Variants in SIPA1L3 observed in about 807,000 individuals in gnomAD.
SIPA1L3 encodes signal-induced proliferation-associated 1-like protein 3.
In SIPA1L3, 59 loss-of-function variants were observed where a neutral mutation model predicts 150.1. The observed-to-expected ratio is 0.39, with a 90% CI of 0.32 to 0.49. The LOEUF (loss-of-function observed/expected upper bound fraction) is 0.49. Among genes scored for constraint, SIPA1L3 ranks in the 20% least tolerant of loss-of-function variants. SIPA1L3 has a pLI of 0.86. For missense variants in SIPA1L3, 2,211 were observed against 2,489.5 expected (o/e 0.89, Z 2.38); for synonymous variants, 1,070 against 1,077.6 (o/e 0.99, Z 0.14).
intron 2 of SIPA1L3, among the ~76,000 whole-genome samples, chr19:38,030,623 A>ATATATATATATAT (rs1968627601): frequency 2.3e-5 from 1 of 42,630 alleles, no homozygotes; most frequent in Non-Finnish European, 5.7e-5. Context: ...ATATGTGGCA[A>ATATATATATATAT]ATATATATAT....
At chr19:38,088,060 T>C (rs1320890585) in intron 3 of SIPA1L3, among the ~76,000 whole-genome samples, 2 of 152,010 alleles carry the variant, frequency 1.3e-5, no homozygotes, top group Non-Finnish European at 2.9e-5. Flanking sequence ...TAAAGAAACA[T>C]GGTGAGATAA....
At chr19:38,200,299 G>A (rs1973056881) in intron 19 of SIPA1L3, 1 of 152,176 alleles carries the variant, frequency 6.6e-6, no homozygotes, top group Non-Finnish European at 1.5e-5. Context: ...AGGATCGCTG[G>A]AGCCCAGTAG....
chr19:38,196,555 G>GGAGCGTGGAGGTCAAGGGCA (rs1382102672), intron 18 of SIPA1L3, among the ~76,000 whole-genome samples: 1 of 147,754 alleles, frequency 6.8e-6, no homozygotes, highest in African/African-American at 2.5e-5. Flanking sequence ...GGTCAAGGGC[G>GGAGCGTGGAGGTCAAGGGCA]GAGCGTGGAG....
At chr19:38,187,223 G>A (rs1321105366) in intron 16 of SIPA1L3, among the ~76,000 whole-genome samples, 1 of 151,568 alleles carries the variant, frequency 6.6e-6, no homozygotes, top group Non-Finnish European at 1.5e-5. Context: ...AGTCCAGGAT[G>A]GGTGGATCAC....
intron 15 of SIPA1L3, among the ~76,000 whole-genome samples, chr19:38,180,888 T>TA (rs1972540343): frequency 6.6e-6 from 1 of 152,204 alleles, no homozygotes; most frequent in African/African-American, 2.4e-5. Flanking sequence ...AATCTCTTTG[T>TA]ATTTTTCCTA....
At chr19:37,945,383 A>G (rs563120988) in intron 1 of SIPA1L3, among the ~76,000 whole-genome samples, 5 of 151,956 alleles carry the variant, frequency 3.3e-5, no homozygotes, top group Non-Finnish European at 7.4e-5. Flanking sequence ...ACAGGCGTGT[A>G]CCACCACACC....
chr19:38,080,948 T>A (rs184378618), intron 2 of SIPA1L3, among the ~76,000 whole-genome samples: 46 of 149,148 alleles, frequency 3.1e-4, no homozygotes, highest in African/African-American at 9.9e-4. Context: ...CCAGCCTGGG[T>A]GACAGAGCGA....
intron 1 of SIPA1L3, among the ~76,000 whole-genome samples, chr19:37,970,850 G>A (rs1966915424): frequency 6.6e-6 from 1 of 152,192 alleles, no homozygotes; most frequent in African/African-American, 2.4e-5. Flanking sequence ...TAAATGCGAG[G>A]GCAGTTTATT....
chr19:38,109,830 A>G (rs1970699780), intron 7 of SIPA1L3: 1 of 187,160 alleles, frequency 5.3e-6, no homozygotes. Flanking sequence ...GTGTTAAGTA[A>G]TGGGGACAGA....
chr19:38,039,618 G>A (rs1051543439), intron 2 of SIPA1L3, among the ~76,000 whole-genome samples: 4 of 149,702 alleles, frequency 2.7e-5, no homozygotes, highest in Admixed American at 6.7e-5. Context: ...TGCTTGAACC[G>A]GGGAGGCAGA....
chr19:37,942,992 G>A (rs556190250), intron 1 of SIPA1L3, among the ~76,000 whole-genome samples: 17 of 150,772 alleles, frequency 1.1e-4, no homozygotes, highest in South Asian at 8.4e-4. Flanking sequence ...GATTAGATGC[G>A]TGAGCCACAC....
chr19:37,942,592 CAG>C (rs962158681), intron 1 of SIPA1L3, among the ~76,000 whole-genome samples: 4 of 151,506 alleles, frequency 2.6e-5, no homozygotes, highest in Non-Finnish European at 4.4e-5. Context: ...GGGTTTGATT[CAG>C]AGTGTCCTCC....
chr19:38,057,620 T>C (rs1471315126), intron 2 of SIPA1L3, among the ~76,000 whole-genome samples: 1 of 151,654 alleles, frequency 6.6e-6, no homozygotes, highest in African/African-American at 2.4e-5. Context: ...TTTACAGAAG[T>C]AGCATTCCTG....
intron 1 of SIPA1L3, among the ~76,000 whole-genome samples, chr19:38,021,629 T>G (rs1968374728): frequency 6.6e-6 from 1 of 151,644 alleles, no homozygotes; most frequent in African/African-American, 2.4e-5. Flanking sequence ...ACAGCCTTGA[T>G]CTCCTGGGCT....
intron 6 of SIPA1L3, among the ~76,000 whole-genome samples, chr19:38,103,662 C>T (rs1163161341): frequency 2.7e-5 from 4 of 150,214 alleles, no homozygotes; most frequent in Admixed American, 1.3e-4. Flanking sequence ...CGGTGGTTCA[C>T]GCCTGTAATC....
rs201468978 is a variant in SIPA1L3, at chr19:38,119,350, C to G, written c.2336C>G (p.Pro779Arg). The change falls in exon 9 of 22, where the codon CCC (proline) becomes CGC (arginine). Residue 779 changes from proline to arginine, a missense_variant. Around this residue, in one of 5 missense-constraint regions of SIPA1L3, gnomAD observed 625 missense variants for 804.2 expected, o/e 0.78. Coordinates refer to ENST00000222345, the MANE Select transcript of SIPA1L3 (RefSeq NM_015073.3). ...RSKDAPPFGP[P>R]IPSGTTFRKS... ...AAAGACGCTCCTCCTTTCGGCCCCCCCATCCCCAGTGGAACCACATTCCGC... is the reference window on the plus strand; with the variant it reads ...AAAGACGCTCCTCCTTTCGGCCCCCGCATCCCCAGTGGAACCACATTCCGC... 24 of 1,614,096 alleles carry G rather than the reference C, an allele frequency of 1.5e-5. No individual in the cohort carries two copies. In the African/African-American group the frequency reaches 2.0e-4, roughly 13 times the overall value.
intron 15 of SIPA1L3, among the ~76,000 whole-genome samples, chr19:38,167,773 A>C (rs1011515957): frequency 4.6e-5 from 7 of 152,002 alleles, no homozygotes; most frequent in African/African-American, 1.7e-4. Flanking sequence ...CTGTGTTGCC[A>C]AGGTTGGTCT....
Position 38,201,879 on chromosome 19 carries a change from C to T in SIPA1L3, c.5002C>T (p.Leu1668Phe), listed in dbSNP as rs1460418948. 1 of 1,612,594 alleles carries T rather than the reference C, an allele frequency of 6.2e-7. No homozygotes were observed. Among genetic ancestry groups the T allele is most frequent in the Admixed American group, 1.7e-5 (1 of 59,774 alleles). ...CCTGGCAGTGCAAAGAGCCGTCTCACTCTTCTCTCTGAACGACCCGGCCCT... is the reference window on the plus strand; with the variant it reads ...CCTGGCAGTGCAAAGAGCCGTCTCATTCTTCTCTCTGAACGACCCGGCCCT... ...KAYEVQRAVSLFSLNDPALSP... is the reference protein window; with the variant it reads ...KAYEVQRAVSFFSLNDPALSP... Residue 1668 changes from leucine to phenylalanine, a missense_variant, in exon 20 of 22, where the codon CTC becomes TTC. Coordinates refer to ENST00000222345, the MANE Select transcript of SIPA1L3 (RefSeq NM_015073.3).
At chr19:38,024,215 T>C (rs1382183786) in intron 1 of SIPA1L3, among the ~76,000 whole-genome samples, 2 of 152,090 alleles carry the variant, frequency 1.3e-5, no homozygotes, top group East Asian at 3.9e-4. Context: ...CAGAAACAGC[T>C]CACCTGGAGC....
Sources: gnomAD v4.1 joint callset for allele counts (sites outside exome capture counted in the v4.1 genomes callset) on GRCh38, gnomAD v4.1.1 for gene constraint, gnomAD v4.1.1 regional missense constraint, MANE v1.5 for transcripts, NCBI Gene and HGNC (gene_info 2026-07-23, HGNC 2026-07-21) for gene names.